MAF: variants seen among roughly 807,000 people sequenced by gnomAD.
The protein encoded by MAF is MAF bZIP transcription factor.
A neutral mutation model predicts 22.0 loss-of-function variants in MAF; 10 were observed. The ratio of observed to expected loss-of-function variants is 0.45; its 90% CI spans 0.28 to 0.77. The LOEUF (loss-of-function observed/expected upper bound fraction) is 0.77, where lower values mean the gene tolerates loss of function less well. Ranked by LOEUF, MAF falls within the 30% of genes least tolerant of loss-of-function variation. MAF has a pLI of 0.12. For missense variants in MAF, 544 were observed against 548.4 expected, an observed-to-expected ratio of 0.99 and a Z score of 0.08; for synonymous variants, 337 against 255.8, an observed-to-expected ratio of 1.32 and a Z score of -3.03.
At chr16:79,332,932 C>G in the MAF span, among the ~76,000 whole-genome samples, 1 of 152,220 alleles carries the variant, frequency 6.6e-6, no homozygotes, top group African/African-American at 2.4e-5. Context: ...GTGCTGCTGA[C>G]TTTAAAGTCC....
downstream of MAF, among the ~76,000 whole-genome samples, chr16:79,582,090 C>T (rs964850259): frequency 6.6e-6 from 1 of 151,994 alleles, no homozygotes; most frequent in Non-Finnish European, 1.5e-5. Flanking sequence ...AAATAGAGAC[C>T]GAAAACAAAC....
the MAF span, among the ~76,000 whole-genome samples, chr16:79,361,810 C>A: frequency 6.6e-6 from 1 of 151,872 alleles, no homozygotes; most frequent in Non-Finnish European, 1.5e-5. Context: ...ATGAAGGAAT[C>A]GAGAAAAAGT....
the MAF span, among the ~76,000 whole-genome samples, chr16:79,471,442 G>A: frequency 6.6e-6 from 1 of 152,142 alleles, no homozygotes; most frequent in Non-Finnish European, 1.5e-5. Flanking sequence ...CAGATTGCTT[G>A]AGCCCAGGAG....
the MAF span, among the ~76,000 whole-genome samples, chr16:79,431,093 G>A: frequency 2.0e-5 from 3 of 152,142 alleles, no homozygotes; most frequent in Non-Finnish European, 4.4e-5. Context: ...GGCAAAAGGA[G>A]CCACCACTGC....
chr16:79,520,052 T>A, the MAF span, among the ~76,000 whole-genome samples: 1 of 152,176 alleles, frequency 6.6e-6, no homozygotes, highest in Non-Finnish European at 1.5e-5. Context: ...TGACACACGT[T>A]GGGTCAAAAG....
chr16:79,402,781 C>T, the MAF span, among the ~76,000 whole-genome samples: 1 of 152,324 alleles, frequency 6.6e-6, no homozygotes, highest in East Asian at 1.9e-4. Flanking sequence ...GACACTCTTT[C>T]CTCTTGCTCT....
At chr16:79,544,852 TAC>T in the MAF span, among the ~76,000 whole-genome samples, 5 of 152,108 alleles carry the variant, frequency 3.3e-5, no homozygotes, top group African/African-American at 1.2e-4. Flanking sequence ...GCACCTTACT[TAC>T]ATTCATTCAT....
the MAF span, among the ~76,000 whole-genome samples, chr16:79,211,034 A>AGAGTGT: frequency 6.7e-6 from 1 of 149,602 alleles, no homozygotes; most frequent in African/African-American, 2.5e-5. Context: ...TATGGTGAGG[A>AGAGTGT]GTGTGTGTGT....
At chr16:79,249,528 T>C in the MAF span, among the ~76,000 whole-genome samples, 6 of 151,396 alleles carry the variant, frequency 4.0e-5, no homozygotes, top group East Asian at 1.2e-3. Context: ...AGACACCAAA[T>C]CTGCTGCAAC....
chr16:79,355,855 A>G, the MAF span, among the ~76,000 whole-genome samples: 2 of 152,138 alleles, frequency 1.3e-5, no homozygotes, highest in African/African-American at 4.8e-5. Flanking sequence ...TCCCTCTGTC[A>G]ATATTCCCAG....
At chr16:79,222,298 A>G in the MAF span, among the ~76,000 whole-genome samples, 4 of 152,284 alleles carry the variant, frequency 2.6e-5, no homozygotes, top group African/African-American at 9.6e-5. Context: ...GAGCGATTTT[A>G]TCACCACCAG....
At chr16:79,275,983 T>C in the MAF span, among the ~76,000 whole-genome samples, 1 of 151,872 alleles carries the variant, frequency 6.6e-6, no homozygotes, top group Non-Finnish European at 1.5e-5. Flanking sequence ...CTACTAAAAA[T>C]ACAAAAAGTT....
At chr16:79,286,535 T>C in the MAF span, among the ~76,000 whole-genome samples, 1 of 152,228 alleles carries the variant, frequency 6.6e-6, no homozygotes, top group African/African-American at 2.4e-5. Flanking sequence ...CCATTATCCT[T>C]GCATGCACAC....
the MAF span, among the ~76,000 whole-genome samples, chr16:79,360,726 C>T: frequency 6.6e-6 from 1 of 152,090 alleles, no homozygotes; most frequent in Non-Finnish European, 1.5e-5. Flanking sequence ...GTGCTGTGGG[C>T]ATTTCAATCA....
chr16:79,560,337 G>A, the MAF span, among the ~76,000 whole-genome samples: 1 of 151,964 alleles, frequency 6.6e-6, no homozygotes, highest in Non-Finnish European at 1.5e-5. Flanking sequence ...GGAAGCCTGT[G>A]TAAGCCTCCA....
chr16:79,292,869 C>T, the MAF span, among the ~76,000 whole-genome samples: 1 of 152,150 alleles, frequency 6.6e-6, no homozygotes, highest in Non-Finnish European at 1.5e-5. Context: ...ACACTCCCAT[C>T]AGCACCATGG....
chr16:79,586,876 G>A (rs1204058165), intron 1 of MAF, among the ~76,000 whole-genome samples: 5 of 152,174 alleles, frequency 3.3e-5, no homozygotes, highest in African/African-American at 7.2e-5. Flanking sequence ...TACAATAACG[G>A]CGATAAACTA....
At chr16:79,528,867 C>A in the MAF span, among the ~76,000 whole-genome samples, 558 of 152,252 alleles carry the variant, frequency 3.7e-3, 3 homozygotes, top group African/African-American at 0.012. Flanking sequence ...GAGCTGGCTA[C>A]CTGCAGTAAT....
chr16:79,361,581 C>G, the MAF span, among the ~76,000 whole-genome samples: 3 of 152,216 alleles, frequency 2.0e-5, no homozygotes, highest in African/African-American at 7.2e-5. Context: ...TCTCTAAAAG[C>G]TGTCAGTCTC....
Sources: gnomAD v4.1 joint callset for allele counts (sites outside exome capture counted in the v4.1 genomes callset) on GRCh38, gnomAD v4.1.1 for gene constraint, MANE v1.5 for transcripts, NCBI Gene and HGNC (gene_info 2026-07-23, HGNC 2026-07-21) for gene names.